FLT1: variants seen among roughly 807,000 people sequenced by gnomAD.
FLT1 encodes the protein vascular endothelial growth factor receptor 1.
In FLT1, 49 loss-of-function variants were observed where a neutral mutation model predicts 156.3. The observed-to-expected ratio is 0.31, with a 90% CI of 0.25 to 0.40. The LOEUF (loss-of-function observed/expected upper bound fraction) is 0.40, where lower values mean the gene tolerates loss of function less well. Ranked by LOEUF, FLT1 falls within the 10% of genes least tolerant of loss-of-function variation. The probability of loss-of-function intolerance (pLI) is 1.00; values close to 1 mark genes in which losing one functional copy is unlikely to be tolerated. For missense variants in FLT1, 1,322 were observed against 1,637.2 expected (o/e 0.81, Z 3.32); for synonymous variants, 594 against 583.8 (o/e 1.02, Z -0.25).
rs1010053650 is a variant in FLT1, at chr13:28,359,676, A to C, written c.2117-1991T>G. Among the ~76,000 whole-genome samples, 11 of 152,232 alleles carry C rather than the reference A, an allele frequency of 7.2e-5. 1 individual carries two copies. The highest frequency in any genetic ancestry group is 5.9e-4 in the Admixed American group (9 of 15,280). The stretch of plus-strand genomic sequence containing the variant: ...AATATCCAAAATATACAAGGAACTC[A>C]AACTACTCAATAACAAGGAAACCAA... On this transcript the variant is annotated intron_variant, in intron 14 of 29. Transcript: ENST00000282397.
chr13:28,302,362 T>G lies in FLT1; in HGVS notation c.*805A>C. ...AGGAGCCAAAAGTATGGGCTCAGAGTTGAGTGCCACCCTCAGTGCTACAAA... is the reference window on the plus strand; with the variant it reads ...AGGAGCCAAAAGTATGGGCTCAGAGGTGAGTGCCACCCTCAGTGCTACAAA... On this transcript the variant is annotated 3_prime_UTR_variant, in exon 30 of 30. Coordinates refer to ENST00000282397, the MANE Select transcript of FLT1 (RefSeq NM_002019.4). 4.3e-6 allele frequency: 1 copy of G among 233,176 alleles called. No homozygotes were observed. Among genetic ancestry groups the G allele is most frequent in the Non-Finnish European group, 8.5e-6 (1 of 118,026 alleles). The allele number at this position is 233,176 out of a possible 1,614,324, so 14.4% of individuals were successfully genotyped here. A position where few individuals can be genotyped will look rare whatever the true frequency, so the allele number is the denominator to read the frequency against.
chr13:28,466,687 GTC>G lies in FLT1; in HGVS notation c.388+214_388+215del, dbSNP rs1246142822. ...GTACAGAGGTGACCTATACAGACCA[GTC>G]TCTCTCTTTGTGGAGCACATAGTGA... On this transcript the variant is annotated intron_variant, in intron 3 of 29. Coordinates refer to ENST00000282397, the MANE Select transcript of FLT1 (RefSeq NM_002019.4). The G allele has an allele frequency of 1.2e-5, 8 of 646,822 alleles. No homozygotes were observed. In the Admixed American group the frequency reaches 1.5e-4, roughly 12 times the overall value. The allele number at this position is 646,822 out of a possible 1,614,324, so 40.1% of individuals were successfully genotyped here.
chr13:28,481,442 TACACACACACACACAC>T (rs397687323), intron 1 of FLT1, among the ~76,000 whole-genome samples: 16 of 142,648 alleles, frequency 1.1e-4, no homozygotes, highest in Middle Eastern at 3.5e-3. Context: ...CCTCCGCTTA[TACACACACACACACAC>T]ACACACACAC....
intron 13 of FLT1, chr13:28,389,569 CG>C (rs1874577190): frequency 1.4e-6 from 2 of 1,438,154 alleles, no homozygotes; most frequent in Non-Finnish European, 9.1e-7. Flanking sequence ...AGCTGGGGCC[CG>C]GGGGTCTCAT....
intron 20 of FLT1, among the ~76,000 whole-genome samples, chr13:28,323,840 C>T (rs1871572671): frequency 6.6e-6 from 1 of 152,052 alleles, no homozygotes; most frequent in African/African-American, 2.4e-5. Context: ...CTATAGTTAC[C>T]AATTTCTCAG....
intron 14 of FLT1, among the ~76,000 whole-genome samples, chr13:28,380,294 TA>T (rs1874021704): frequency 1.3e-5 from 2 of 152,190 alleles, no homozygotes; most frequent in African/African-American, 4.8e-5. Flanking sequence ...GAAATAGTCA[TA>T]AAAGAGTTGG....
In FLT1 at chr13:28,427,814, A is replaced by G; in HGVS notation, c.1214T>C (p.Ile405Thr). 1.2e-6 allele frequency: 2 copies of G among 1,613,928 alleles called. No homozygotes were observed. The highest frequency in any genetic ancestry group is 2.2e-5 in the East Asian group (1 of 44,874). The change falls in exon 9 of 30, where the codon ATC becomes ACC. Residue 405 changes from isoleucine (I) to threonine (T), a missense_variant. Physicochemically the swap from Ile to Thr is moderately conservative, Grantham distance 89. Transcript: ENST00000282397. ...VTEEDAGNYTILLSIKQSNVF... is the reference protein window; with the variant it reads ...VTEEDAGNYTTLLSIKQSNVF... ...ATTTGACTGTTTTATGCTCAGCAAG[A>G]TTGTATAATTCCCTGCATCCTCTTC...
intron 1 of FLT1, among the ~76,000 whole-genome samples, chr13:28,493,190 T>C (rs1175474864): frequency 6.6e-6 from 1 of 152,262 alleles, no homozygotes; most frequent in East Asian, 1.9e-4. Context: ...TTTAGATTCA[T>C]GTAATTTAGC....
At chr13:28,483,949 C>T (rs1190856659) in intron 1 of FLT1, among the ~76,000 whole-genome samples, 1 of 152,094 alleles carries the variant, frequency 6.6e-6, no homozygotes, top group Non-Finnish European at 1.5e-5. Flanking sequence ...ATTAAAAAGA[C>T]CTAGGTTTGA....
chr13:28,317,553 T>G lies in FLT1; in HGVS notation c.3331A>C (p.Ser1111Arg). ...ATCCTCATGCCTTCCCTCAGGCGAC[T>G]GCAAAAGTCCTCATCCATTTGTACT... ...PGVQMDEDFC[S>R]RLREGMRMRA... Residue 1111 changes from serine (S) to arginine (R), a missense_variant, in exon 25 of 30, where the codon AGT (serine) becomes CGT (arginine). Transcript: ENST00000282397. 6.2e-7 allele frequency: 1 copy of G among 1,614,080 alleles called. No homozygotes were observed. The highest frequency in any genetic ancestry group is 8.5e-7 in the Non-Finnish European group (1 of 1,179,926).
chr13:28,308,974 G>C (rs1870870014), intron 27 of FLT1, 47 bp from the exon 28 acceptor site: 3 of 1,121,958 alleles, frequency 2.7e-6, no homozygotes, highest in African/African-American at 1.5e-5. Context: ...AAGGCATCCA[G>C]CTCTAATGAG....
At chr13:28,444,782 G>C (rs552821792) in intron 3 of FLT1, among the ~76,000 whole-genome samples, 1 of 152,036 alleles carries the variant, frequency 6.6e-6, no homozygotes, top group Non-Finnish European at 1.5e-5. Flanking sequence ...GGTCAAAGAA[G>C]AAATTTAAAA....
At position 28,389,965 on chromosome 13, in the gene FLT1, C is replaced by A. The variant is rs201226835; in HGVS notation, c.1800G>T (p.Met600Ile). 9.9e-6 allele frequency: 16 copies of A among 1,614,084 alleles called. No individual in the cohort carries two copies. The Admixed American group carries it at 2.2e-4, about 22-fold the overall frequency. ...TTTTTTGCTTGCTAATACTGTAGTG[C>A]ATTGTTCTGTTATTAACTGTCCGCA... ...ILLRTVNNRT[M>I]HYSISKQKMA... The change falls in exon 13 of 30, where the codon ATG becomes ATT. Residue 600 changes from methionine to isoleucine, a missense_variant. Met to Ile is a conservative substitution (Grantham distance 10, BLOSUM62 1). Coordinates refer to ENST00000282397, the MANE Select transcript of FLT1 (RefSeq NM_002019.4).
chr13:28,487,410 C>T (rs1311976103), intron 1 of FLT1, among the ~76,000 whole-genome samples: 1 of 152,190 alleles, frequency 6.6e-6, no homozygotes, highest in East Asian at 1.9e-4. Context: ...CCTCTTTTAA[C>T]AAAAGAATCT....
intron 27 of FLT1, 146 bp from the exon 28 acceptor site, chr13:28,309,073 C>T (rs766079489): frequency 9.1e-5 from 59 of 649,928 alleles, no homozygotes; most frequent in Admixed American, 2.1e-4. Flanking sequence ...ATCTCCCCGC[C>T]GTGACCCCTG....
intron 3 of FLT1, chr13:28,466,607 C>A (rs1879858919): frequency 7.4e-6 from 3 of 404,834 alleles, no homozygotes; most frequent in Non-Finnish European, 9.0e-6. Context: ...AACTAAAATC[C>A]TTTTATTCAC....
chr13:28,360,753 G>A (rs1306580207), intron 14 of FLT1, among the ~76,000 whole-genome samples: 2 of 152,054 alleles, frequency 1.3e-5, no homozygotes, highest in Non-Finnish European at 2.9e-5. Context: ...TAGATAAGAG[G>A]AATATGTTCT....
intron 25 of FLT1, among the ~76,000 whole-genome samples, chr13:28,313,778 G>A (rs189069172): frequency 1.3e-3 from 190 of 151,984 alleles, no homozygotes; most frequent in African/African-American, 4.1e-3. Context: ...ACACTTCTTA[G>A]AGGTATGCCT....
intron 3 of FLT1, among the ~76,000 whole-genome samples, chr13:28,464,450 A>G (rs898712982): frequency 2.0e-5 from 3 of 152,258 alleles, no homozygotes; most frequent in Admixed American, 2.0e-4. Context: ...TAAGCCTGGA[A>G]TTTATCCTCA....
Sources: allele counts gnomAD v4.1 joint callset (sites outside exome capture counted in the v4.1 genomes callset), GRCh38; gene constraint gnomAD v4.1.1; transcripts MANE v1.5; gene names NCBI Gene and HGNC (gene_info 2026-07-23, HGNC 2026-07-21).